The following MYL9 variants were observed in gnomAD, a reference collection of about 807,000 sequenced individuals.
MYL9 encodes myosin regulatory light polypeptide 9.
MYL9 carries 7 observed loss-of-function variants against 12.8 expected under a neutral mutation model. The observed-to-expected ratio is 0.55, with a 90% CI of 0.31 to 1.03. MYL9 has a LOEUF of 1.03. Ranked by LOEUF, MYL9 falls within the 50% of genes least tolerant of loss-of-function variation. MYL9 has a pLI of 0.05. For synonymous variants in MYL9, 81 were observed against 87.8 expected, an observed-to-expected ratio of 0.92 and a Z score of 0.43; for missense variants, 190 against 242.7, an observed-to-expected ratio of 0.78 and a Z score of 1.44.
chr20:36,541,697 T>C lies in MYL9; in HGVS notation c.-27+136T>C, dbSNP rs147113295. The C allele has an allele frequency of 3.7e-3, 562 of 152,748 alleles. 5 individuals are homozygous for C. The highest frequency in any genetic ancestry group is 0.011 in the South Asian group (52 of 4,838). The allele number at this position is 152,748 out of a possible 1,614,324, so 9.5% of individuals were successfully genotyped here. On this transcript the variant is annotated intron_variant, in intron 1 of 3. Transcript: ENST00000279022. Reference sequence around the variant, plus strand: ...ACGGACTGGGACGTGGTAGGGTCTGTTGGGCACGGACTGAGGGGTGAGCTG... The same window carrying C: ...ACGGACTGGGACGTGGTAGGGTCTGCTGGGCACGGACTGAGGGGTGAGCTG...
Position 36,545,029 on chromosome 20 carries a change from A to C in MYL9, c.145A>C (p.Ile49Leu), listed in dbSNP as rs1469832867. The C allele has an allele frequency of 6.2e-7, 1 of 1,614,204 alleles. No homozygotes were observed. The highest frequency in any genetic ancestry group is 1.7e-5 in the Admixed American group (1 of 60,024). Residue 49 changes from isoleucine to leucine, a missense_variant, in exon 2 of 4, where the codon ATT (isoleucine) becomes CTT (leucine). Coordinates refer to ENST00000279022, the MANE Select transcript of MYL9 (RefSeq NM_006097.5). ...GATTGACCAGAACCGTGATGGCTTC[A>C]TTGACAAGGAGGACCTGCACGACAT... The part of the protein sequence containing the change: ...NMIDQNRDGF[I>L]DKEDLHDMLA...
chr20:36,547,860 G>A (rs545043562), intron 2 of MYL9, among the ~76,000 whole-genome samples, 172 bp from the exon 3 acceptor site: 11 of 152,270 alleles, frequency 7.2e-5, no homozygotes, highest in Non-Finnish European at 1.0e-4. Flanking sequence ...CAGGGACTCC[G>A]GGCGCCCACT....
chr20:36,548,860 G>A (rs2038134942), intron 3 of MYL9, among the ~76,000 whole-genome samples: 1 of 152,204 alleles, frequency 6.6e-6, no homozygotes, highest in South Asian at 2.1e-4. Context: ...CCTCCCCTCA[G>A]GACCCTGGCA....
chr20:36,549,015 GGGGCTGCTGTGTATGTCT>G, intron 3 of MYL9, 44 bp from the exon 4 acceptor site: 1 of 1,509,386 alleles, frequency 6.6e-7, no homozygotes, highest in Non-Finnish European at 9.0e-7. Flanking sequence ...GCTGAGGGAT[GGGGCTGCTGTGTATGTCT>G]CAGCCCAAGT....
intron 2 of MYL9, among the ~76,000 whole-genome samples, chr20:36,545,754 C>T (rs1441816219): frequency 2.6e-5 from 4 of 151,968 alleles, no homozygotes; most frequent in Admixed American, 6.6e-5. Flanking sequence ...CATGGTGAAA[C>T]CCCGTCTCTA....
chr20:36,549,045 C>T, intron 3 of MYL9, 32 bp from the exon 4 acceptor site: 1 of 1,603,006 alleles, frequency 6.2e-7, no homozygotes, highest in East Asian at 2.2e-5. Flanking sequence ...AGCCCAAGTT[C>T]CTGCTCTCAC....
chr20:36,544,824 T>G (rs997630319), intron 1 of MYL9, 35 bp from the exon 2 acceptor site: 2 of 1,533,442 alleles, frequency 1.3e-6, no homozygotes, highest in Non-Finnish European at 1.8e-6. Flanking sequence ...TGGCCCAGAG[T>G]CACAGGGCCA....
intron 1 of MYL9, among the ~76,000 whole-genome samples, chr20:36,543,874 G>A (rs1045419706): frequency 6.6e-6 from 1 of 152,204 alleles, no homozygotes; most frequent in African/African-American, 2.4e-5. Flanking sequence ...AAGCCTGGGA[G>A]TGTCCAGGGA....
intron 2 of MYL9, among the ~76,000 whole-genome samples, chr20:36,546,252 ACT>A (rs1237064192): frequency 6.6e-6 from 1 of 151,976 alleles, no homozygotes; most frequent in Non-Finnish European, 1.5e-5. Context: ...ACAGCCAGCC[ACT>A]CTCAGCCCAG....
intron 2 of MYL9, among the ~76,000 whole-genome samples, chr20:36,547,423 C>A (rs1382384230): frequency 6.6e-6 from 1 of 152,220 alleles, no homozygotes; most frequent in Non-Finnish European, 1.5e-5. Flanking sequence ...GCAGTTGATT[C>A]CAGTCCATAG....
chr20:36,545,084 G>C lies in MYL9; in HGVS notation c.184+16G>C. ...GCCTCGCTGGGTGAGCTGGGACAGG[G>C]ACAGGGGTGAGATGGATGAGGCCAG... On this transcript the variant is annotated intron_variant, in intron 2 of 3. Coordinates refer to ENST00000279022, the MANE Select transcript of MYL9 (RefSeq NM_006097.5). The C allele has an allele frequency of 6.2e-7, 1 of 1,612,606 alleles. No homozygotes were observed. The highest frequency in any genetic ancestry group is 8.5e-7 in the Non-Finnish European group (1 of 1,179,010).
At chr20:36,544,590 C>T (rs926471533) in intron 1 of MYL9, among the ~76,000 whole-genome samples, 4 of 152,222 alleles carry the variant, frequency 2.6e-5, no homozygotes, top group East Asian at 1.9e-4. Context: ...CAGGAGCTCT[C>T]GGGCACTGAG....
intron 2 of MYL9, among the ~76,000 whole-genome samples, chr20:36,545,702 G>C (rs1042019446): frequency 2.6e-5 from 4 of 151,974 alleles, no homozygotes; most frequent in Non-Finnish European, 5.9e-5. Context: ...AGGCCAAGGC[G>C]GGCGGATCAC....
At chr20:36,544,015 G>A (rs892419821) in intron 1 of MYL9, among the ~76,000 whole-genome samples, 5 of 152,280 alleles carry the variant, frequency 3.3e-5, no homozygotes, top group African/African-American at 4.8e-5. Flanking sequence ...TCTGAGGGGC[G>A]GCAGGAACCT....
chr20:36,544,295 G>C (rs928774793), intron 1 of MYL9, among the ~76,000 whole-genome samples: 29 of 152,152 alleles, frequency 1.9e-4, no homozygotes, highest in Non-Finnish European at 8.8e-5. Context: ...ACCTCAGGCG[G>C]GCAGCAGAGG....
rs1439279280 is a variant in MYL9 at position 36,549,729 on chromosome 20, C to CG, written c.*481dup. 2 of 163,968 alleles carry CG rather than the reference C, an allele frequency of 1.2e-5. No individual in the cohort carries two copies. The highest frequency in any genetic ancestry group is 4.8e-5 in the African/African-American group (2 of 41,672). The allele number at this position is 163,968 out of a possible 1,614,324, so 10.2% of individuals were successfully genotyped here. The stretch of plus-strand genomic sequence containing the variant: ...CACTGCCGCACACCCACCCAGAGCA[C>CG]GCCACCCGCCATGGGAGTGTGCTCA... On this transcript the variant is annotated 3_prime_UTR_variant, in exon 4 of 4. Transcript: ENST00000279022.
rs2038077966 is a variant in MYL9, at chr20:36,545,030, T to C, written c.146T>C (p.Ile49Thr). ...NMIDQNRDGF[I>T]DKEDLHDMLA... is the part of the protein sequence containing the mutation. The stretch of plus-strand genomic sequence containing the variant: ...ATTGACCAGAACCGTGATGGCTTCA[T>C]TGACAAGGAGGACCTGCACGACATG... The change falls in exon 2 of 4, where the codon ATT (isoleucine) becomes ACT (threonine). Residue 49 changes from isoleucine to threonine, a missense_variant. Coordinates refer to ENST00000279022, the MANE Select transcript of MYL9 (RefSeq NM_006097.5). 1 of 1,614,142 alleles carries C rather than the reference T, an allele frequency of 6.2e-7. No individual in the cohort carries two copies. The highest frequency in any genetic ancestry group is 8.5e-7 in the Non-Finnish European group (1 of 1,180,024).
At position 36,549,680 on chromosome 20, in the gene MYL9, C is replaced by T. The variant is rs1346909197; in HGVS notation, c.*431C>T. 5.5e-6 allele frequency: 1 copy of T among 180,570 alleles called. No individual in the cohort carries two copies. The highest frequency in any genetic ancestry group is 1.2e-5 in the Non-Finnish European group (1 of 84,390). The allele number at this position is 180,570 out of a possible 1,614,324, so 11.2% of individuals were successfully genotyped here. A position where few individuals can be genotyped will look rare whatever the true frequency, so the allele number is the denominator to read the frequency against. ...AAGCTCACCAAGGTCCCCTCTCAGTCCCCTTCCCTACACCCTGACCGGCCA... is the reference window on the plus strand; with the variant it reads ...AAGCTCACCAAGGTCCCCTCTCAGTTCCCTTCCCTACACCCTGACCGGCCA... On this transcript the variant is annotated 3_prime_UTR_variant, in exon 4 of 4. Coordinates refer to ENST00000279022, the MANE Select transcript of MYL9 (RefSeq NM_006097.5).
intron 3 of MYL9, among the ~76,000 whole-genome samples, chr20:36,548,575 T>C (rs1417727905): frequency 1.3e-5 from 2 of 152,178 alleles, no homozygotes; most frequent in Non-Finnish European, 2.9e-5. Flanking sequence ...ATGATGGCCA[T>C]GGTAACATGG....
Sources: gnomAD v4.1 joint callset for allele counts (sites outside exome capture counted in the v4.1 genomes callset) on GRCh38, gnomAD v4.1.1 for gene constraint, MANE v1.5 for transcripts, NCBI Gene and HGNC (gene_info 2026-07-23, HGNC 2026-07-21) for gene names.